GOLPH3L: variants seen among roughly 807,000 people sequenced by gnomAD.
GOLPH3L encodes Golgi phosphoprotein 3-like.
A neutral mutation model predicts 30.3 loss-of-function variants in GOLPH3L; 22 were observed. The ratio of observed to expected loss-of-function variants is 0.73; its 90% CI spans 0.52 to 1.04. GOLPH3L has a LOEUF of 1.04. Among genes scored for constraint, GOLPH3L ranks in the 50% least tolerant of loss-of-function variants. The pLI is 0.00. For missense variants in GOLPH3L, 303 were observed against 345.8 expected (o/e 0.88, Z 0.98); for synonymous variants, 120 against 128.2 (o/e 0.94, Z 0.43).
intron 2 of GOLPH3L, among the ~76,000 whole-genome samples, chr1:150,665,462 G>C (rs1650478402): frequency 6.6e-6 from 1 of 151,954 alleles, no homozygotes; most frequent in Admixed American, 6.6e-5. Context: ...AAGTAGCTCA[G>C]ACTACAGGCA....
intron 2 of GOLPH3L, among the ~76,000 whole-genome samples, chr1:150,689,855 C>T (rs1571057162): frequency 6.6e-6 from 1 of 151,924 alleles, no homozygotes; most frequent in East Asian, 1.9e-4. Context: ...CCAGGCTGGT[C>T]TCGAACTCCT....
At chr1:150,689,785 G>A (rs1651167547) in intron 2 of GOLPH3L, among the ~76,000 whole-genome samples, 1 of 151,936 alleles carries the variant, frequency 6.6e-6, no homozygotes, top group African/African-American at 2.4e-5. Context: ...ACAGGTGCAT[G>A]CCACCACACC....
At position 150,661,741 on chromosome 1, in the gene GOLPH3L, T is replaced by C. The variant is rs762494839; in HGVS notation, c.430+73A>G. On this transcript the variant is annotated intron_variant, in intron 4 of 4. Transcript: ENST00000271732. ...ATCCAGCACGATGAATTTCGGTACA[T>C]CTTTTACTAAATTTCAGGGTAGGAT... 7.4e-4 allele frequency: 584 copies of C among 786,844 alleles called. No homozygotes were observed. The highest frequency in any genetic ancestry group is 1.2e-3 in the Non-Finnish European group (508 of 429,972). 48.7% of individuals were successfully genotyped at this position (786,844 alleles called of 1,614,324 possible).
At chr1:150,665,061 T>C (rs1200204849) in intron 2 of GOLPH3L, among the ~76,000 whole-genome samples, 2 of 152,150 alleles carry the variant, frequency 1.3e-5, no homozygotes, top group Non-Finnish European at 2.9e-5. Context: ...GTCTATTGAA[T>C]ACTTATTATA....
At chr1:150,655,323 C>CAATGGTTT (rs1650215929) in intron 4 of GOLPH3L, among the ~76,000 whole-genome samples, 1 of 152,070 alleles carries the variant, frequency 6.6e-6, no homozygotes, top group South Asian at 2.1e-4. Context: ...TTGTGAAGGG[C>CAATGGTTT]CCAATGGACA....
At position 150,652,335 on chromosome 1, in the gene GOLPH3L, C is replaced by T. The variant is rs587770978; in HGVS notation, c.431-3587G>A. Among the ~76,000 whole-genome samples, 132 of 117,926 alleles carry T rather than the reference C, an allele frequency of 1.1e-3. 1 individual carries two copies. Among genetic ancestry groups the T allele is most frequent in the South Asian group, 6.5e-3 (22 of 3,362 alleles). The allele number at this position is 117,926 out of a possible 152,430, so 77.4% of individuals were successfully genotyped here. A position where few individuals can be genotyped will look rare whatever the true frequency, so the allele number is the denominator to read the frequency against. On this transcript the variant is annotated intron_variant, in intron 4 of 4. Coordinates refer to ENST00000271732, the MANE Select transcript of GOLPH3L (RefSeq NM_018178.6). ...AGTGGAGGTTGCATTGAGCTGAGAT[C>T]GTGCCACCGCACTCCAGACTGGGTG...
At chr1:150,667,104 C>CTTG (rs1311395223) in intron 2 of GOLPH3L, among the ~76,000 whole-genome samples, 1 of 152,126 alleles carries the variant, frequency 6.6e-6, no homozygotes, top group African/African-American at 2.4e-5. Flanking sequence ...TTTACCTCAA[C>CTTG]CATCAAGTTT....
At chr1:150,650,484 G>C (rs140313316) in intron 4 of GOLPH3L, among the ~76,000 whole-genome samples, 1 of 152,334 alleles carries the variant, frequency 6.6e-6, no homozygotes, top group East Asian at 1.9e-4. Context: ...GTACTGGTCT[G>C]CAGCCTGTTA....
At chr1:150,661,558 A>G (rs1164200173) in intron 4 of GOLPH3L, among the ~76,000 whole-genome samples, 1 of 152,200 alleles carries the variant, frequency 6.6e-6, no homozygotes, top group Admixed American at 6.5e-5. Context: ...TGTCCTCTCA[A>G]TAAAGATGTT....
intron 2 of GOLPH3L, among the ~76,000 whole-genome samples, chr1:150,693,034 CTT>C (rs1651248374): frequency 6.6e-6 from 1 of 152,130 alleles, no homozygotes; most frequent in Non-Finnish European, 1.5e-5. Flanking sequence ...CTGGTTTTGC[CTT>C]TTCGTTTATT....
At chr1:150,696,283 A>G (rs1651352379) in intron 1 of GOLPH3L, among the ~76,000 whole-genome samples, 1 of 151,976 alleles carries the variant, frequency 6.6e-6, no homozygotes, top group Non-Finnish European at 1.5e-5. Context: ...CATTCTACCC[A>G]TTCTTTAAAG....
At chr1:150,693,797 A>ATGTGTGTGTGTGTGTGTGTGTGTG (rs796936730) in intron 2 of GOLPH3L, among the ~76,000 whole-genome samples, 65 of 60,930 alleles carry the variant, frequency 1.1e-3, no homozygotes, top group African/African-American at 5.2e-3. Flanking sequence ...TTGTTTATGT[A>ATGTGTGTGTGTGTGTGTGTGTGTG]TGTGTGTGTG....
At chr1:150,662,236 G>A (rs962105777) in intron 3 of GOLPH3L, among the ~76,000 whole-genome samples, 2 of 152,058 alleles carry the variant, frequency 1.3e-5, no homozygotes, top group Non-Finnish European at 2.9e-5. Context: ...AAACAGCTGG[G>A]CTCAGTGGCT....
chr1:150,671,660 C>A (rs1012581770), intron 2 of GOLPH3L, among the ~76,000 whole-genome samples: 1 of 151,820 alleles, frequency 6.6e-6, no homozygotes, highest in Non-Finnish European at 1.5e-5. Context: ...ACAAAATTAG[C>A]CGGGTGTGGT....
At chr1:150,650,584 C>T (rs989929316) in intron 4 of GOLPH3L, among the ~76,000 whole-genome samples, 1 of 152,158 alleles carries the variant, frequency 6.6e-6, no homozygotes, top group African/African-American at 2.4e-5. Flanking sequence ...TAGGTTCCCA[C>T]AGGAGTGTGA....
intron 2 of GOLPH3L, among the ~76,000 whole-genome samples, chr1:150,684,859 G>A (rs1651047008): frequency 6.6e-6 from 1 of 152,022 alleles, no homozygotes; most frequent in Admixed American, 6.6e-5. Flanking sequence ...GTAGAGATGG[G>A]GTTTCACCAT....
chr1:150,654,979 C>T (rs1241939023), intron 4 of GOLPH3L, among the ~76,000 whole-genome samples: 1 of 152,100 alleles, frequency 6.6e-6, no homozygotes, highest in Non-Finnish European at 1.5e-5. Context: ...ACTTCTGTTC[C>T]CTGGAAAGCA....
chr1:150,664,452 A>G (rs1260614069), intron 2 of GOLPH3L, among the ~76,000 whole-genome samples: 1 of 151,918 alleles, frequency 6.6e-6, no homozygotes, highest in Non-Finnish European at 1.5e-5. Context: ...ATTAATTTGA[A>G]GTTCTTTTTT....
At chr1:150,677,819 T>G (rs1650850253) in intron 2 of GOLPH3L, among the ~76,000 whole-genome samples, 1 of 151,374 alleles carries the variant, frequency 6.6e-6, no homozygotes, top group Admixed American at 6.6e-5. Context: ...GAGATGAGGG[T>G]CTTGCTATGT....
Sources: allele counts gnomAD v4.1 joint callset (sites outside exome capture counted in the v4.1 genomes callset), GRCh38; gene constraint gnomAD v4.1.1; transcripts MANE v1.5; gene names NCBI Gene and HGNC (gene_info 2026-07-23, HGNC 2026-07-21).